Variants in KLHL29 observed in about 807,000 individuals in gnomAD.
The protein encoded by KLHL29 is kelch like family member 29.
Under a neutral mutation model 80.4 loss-of-function variants are expected in KLHL29, and 21 were observed. The ratio of observed to expected loss-of-function variants is 0.26; its 90% confidence interval spans 0.19 to 0.38. The LOEUF (loss-of-function observed/expected upper bound fraction) is 0.38. KLHL29 is among the 10% of genes least tolerant of loss of function. The pLI is 1.00. For synonymous variants in KLHL29, 511 were observed against 526.8 expected (o/e 0.97, Z 0.41); for missense variants, 867 against 1,223.9 (o/e 0.71, Z 4.35).
At chr2:23,690,567 A>G (rs1211824579) in intron 6 of KLHL29, 1 of 152,230 alleles carries the variant, frequency 6.6e-6, no homozygotes, top group Non-Finnish European at 1.5e-5. Context: ...CACAGAGGTC[A>G]TTTCCCAGCC....
At chr2:23,509,183 C>T (rs1019986122) in intron 2 of KLHL29, among the ~76,000 whole-genome samples, 3 of 152,158 alleles carry the variant, frequency 2.0e-5, no homozygotes, top group African/African-American at 4.8e-5. Context: ...ATGCTTCAGG[C>T]ACCCGGGAAG....
Position 23,693,329 on chromosome 2 carries a change from G to A in KLHL29, c.1343G>A (p.Cys448Tyr). Residue 448 changes from cysteine (C) to tyrosine (Y), a missense_variant, in exon 8 of 14, where the codon TGC (cysteine) becomes TAC (tyrosine). Transcript: ENST00000486442. The stretch of plus-strand genomic sequence containing the variant: ...CTGGCCATGGCCGAGGCCATGCAGT[G>A]CAGCGAGCTCTACCACATGGCCAAG... Reference protein sequence around the residue: ...GVLAMAEAMQCSELYHMAKAF... With the variant: ...GVLAMAEAMQYSELYHMAKAF... 6.4e-7 allele frequency: 1 copy of A among 1,551,290 alleles called. No individual in the cohort carries two copies. Among genetic ancestry groups the A allele is most frequent in the Non-Finnish European group, 8.7e-7 (1 of 1,146,942 alleles).
At chr2:23,605,107 CTT>C (rs386389703) in intron 3 of KLHL29, among the ~76,000 whole-genome samples, 29 of 92,478 alleles carry the variant, frequency 3.1e-4, no homozygotes, top group African/African-American at 1.0e-3. Context: ...TCCTTTGTTG[CTT>C]TTTTTTTTTT....
intron 1 of KLHL29, among the ~76,000 whole-genome samples, chr2:23,403,780 A>C (rs536227815): frequency 6.6e-6 from 1 of 151,138 alleles, no homozygotes; most frequent in East Asian, 1.9e-4. Flanking sequence ...CGCAAAAGAC[A>C]GGGAAGAATT....
At chr2:23,549,374 C>T (rs1667064627) in intron 2 of KLHL29, among the ~76,000 whole-genome samples, 1 of 152,200 alleles carries the variant, frequency 6.6e-6, no homozygotes, top group African/African-American at 2.4e-5. Context: ...GAGATGTGAA[C>T]TTGTCAACAG....
chr2:23,394,278 T>C (rs1301958891), intron 1 of KLHL29, among the ~76,000 whole-genome samples: 5 of 152,228 alleles, frequency 3.3e-5, no homozygotes, highest in Non-Finnish European at 5.9e-5. Flanking sequence ...CAGCTAAGCT[T>C]AGCCTCCCAG....
intron 1 of KLHL29, among the ~76,000 whole-genome samples, chr2:23,391,615 A>G (rs867380980): frequency 6.6e-6 from 1 of 152,014 alleles, no homozygotes; most frequent in East Asian, 1.9e-4. Flanking sequence ...TTGTATTTTT[A>G]GTGGAGATGG....
intron 5 of KLHL29, among the ~76,000 whole-genome samples, chr2:23,652,242 C>A (rs1489656831): frequency 1.3e-5 from 2 of 152,228 alleles, no homozygotes; most frequent in East Asian, 3.8e-4. Flanking sequence ...GGATATATTT[C>A]CCATGATTAG....
At chr2:23,607,993 C>G (rs1319533595) in intron 3 of KLHL29, among the ~76,000 whole-genome samples, 1 of 150,930 alleles carries the variant, frequency 6.6e-6, no homozygotes, top group East Asian at 2.0e-4. Context: ...TTTAGATTCT[C>G]TCACACTCAT....
At chr2:23,576,534 G>C (rs1240213555) in intron 3 of KLHL29, among the ~76,000 whole-genome samples, 1 of 152,024 alleles carries the variant, frequency 6.6e-6, no homozygotes. Flanking sequence ...GTACCACATC[G>C]GGTTCCTTGT....
intron 1 of KLHL29, among the ~76,000 whole-genome samples, chr2:23,448,936 G>C (rs768367788): frequency 2.0e-5 from 3 of 152,166 alleles, no homozygotes; most frequent in Non-Finnish European, 4.4e-5. Context: ...ATAGGTCGTT[G>C]TCATTTTGCC....
chr2:23,440,164 A>C (rs1356617959), intron 1 of KLHL29, among the ~76,000 whole-genome samples: 1 of 152,190 alleles, frequency 6.6e-6, no homozygotes, highest in Non-Finnish European at 1.5e-5. Context: ...AGCCCTCAGA[A>C]ATAACGCCGC....
At chr2:23,413,287 A>T (rs2103396530) in intron 1 of KLHL29, among the ~76,000 whole-genome samples, 1 of 149,606 alleles carries the variant, frequency 6.7e-6, no homozygotes, top group South Asian at 2.2e-4. Context: ...AGATGAGCTG[A>T]TCTCCATGCT....
intron 2 of KLHL29, among the ~76,000 whole-genome samples, chr2:23,476,458 T>C (rs1237438967): frequency 2.0e-5 from 3 of 152,194 alleles, no homozygotes; most frequent in Admixed American, 6.5e-5. Context: ...CTTTTTCTTA[T>C]GCACATACGT....
At chr2:23,603,037 C>A (rs1272875183) in intron 3 of KLHL29, among the ~76,000 whole-genome samples, 6 of 152,202 alleles carry the variant, frequency 3.9e-5, no homozygotes, top group Admixed American at 2.6e-4. Context: ...ACCCTCTGTG[C>A]CCAGCCTGAT....
intron 2 of KLHL29, among the ~76,000 whole-genome samples, chr2:23,548,800 TTA>T: frequency 6.6e-6 from 1 of 152,254 alleles, no homozygotes; most frequent in Non-Finnish European, 1.5e-5. Flanking sequence ...GCAACCATCA[TTA>T]TTTTTAAGCG....
rs957991280 is a variant in KLHL29 at position 23,680,596 on chromosome 2, G to A, written c.941-3803G>A. 5.3e-5 allele frequency among the ~76,000 whole-genome samples: 8 copies of A among 152,102 alleles called. No individual in the cohort carries two copies. Among genetic ancestry groups the A allele is most frequent in the Non-Finnish European group, 8.8e-5 (6 of 68,022 alleles). ...AGGACTCCACTCGCCAGACCCCACC[G>A]AGCCTCCATGCAGGGAGGGTCATGG... On this transcript the variant is annotated intron_variant, in intron 5 of 13. Transcript: ENST00000486442. This position sits in a 1 kb window ranked among gnomAD's most constrained non-coding sequence, Gnocchi z 4.1.
chr2:23,436,170 A>G (rs1449865344), intron 1 of KLHL29, among the ~76,000 whole-genome samples: 2 of 151,306 alleles, frequency 1.3e-5, no homozygotes, highest in Non-Finnish European at 2.9e-5. Flanking sequence ...GTGCATGGGG[A>G]TGTTTCTGTA....
intron 6 of KLHL29, chr2:23,689,194 A>T (rs1456174098): frequency 6.6e-6 from 1 of 152,258 alleles, no homozygotes; most frequent in African/African-American, 2.4e-5. Context: ...CCTGCAGATC[A>T]TCTGCCCAGC....
Sources: gnomAD v4.1 joint callset for allele counts (sites outside exome capture counted in the v4.1 genomes callset) on GRCh38, gnomAD v4.1.1 for gene constraint, Gnocchi (gnomAD v3.1) non-coding constraint, MANE v1.5 for transcripts, NCBI Gene and HGNC (gene_info 2026-07-23, HGNC 2026-07-21) for gene names.